TNRC6C: variants seen among roughly 807,000 people sequenced by gnomAD.
TNRC6C encodes the protein trinucleotide repeat-containing gene 6C protein.
A neutral mutation model predicts 153.7 loss-of-function variants in TNRC6C; 20 were observed. That is an observed-to-expected ratio of 0.13 (90% CI 0.09 to 0.19). TNRC6C has a LOEUF of 0.19. TNRC6C is among the 10% of genes least tolerant of loss of function. The pLI, the probability that TNRC6C is intolerant of heterozygous loss-of-function variation, is 1.00. For synonymous variants in TNRC6C, 811 were observed against 841.4 expected (o/e 0.96, Z 0.63); for missense variants, 1,987 against 2,172.0 (o/e 0.91, Z 1.69).
chr17:78,025,041 G>A (rs557077968), intron 1 of TNRC6C, among the ~76,000 whole-genome samples: 60 of 150,504 alleles, frequency 4.0e-4, no homozygotes, highest in Non-Finnish European at 5.8e-4. Context: ...TCCACCCACC[G>A]CAGCCTCCCG....
At chr17:78,016,783 G>A (rs2071737036) in intron 1 of TNRC6C, among the ~76,000 whole-genome samples, 1 of 152,094 alleles carries the variant, frequency 6.6e-6, no homozygotes, top group Non-Finnish European at 1.5e-5. Context: ...CGCTTACTGT[G>A]TACTAAGTGC....
chr17:78,102,065 G>A (rs951964820), intron 17 of TNRC6C, among the ~76,000 whole-genome samples: 3 of 152,176 alleles, frequency 2.0e-5, no homozygotes, highest in Non-Finnish European at 2.9e-5. Flanking sequence ...GCCTTTTAGC[G>A]GCAGCCTTCA....
intron 1 of TNRC6C, among the ~76,000 whole-genome samples, chr17:78,015,260 G>T (rs555632742): frequency 6.6e-6 from 1 of 152,228 alleles, no homozygotes; most frequent in African/African-American, 2.4e-5. Context: ...TCAGTCATAG[G>T]ACATATCATC....
chr17:78,084,632 T>C (rs1016008201), intron 11 of TNRC6C, among the ~76,000 whole-genome samples: 1 of 150,538 alleles, frequency 6.6e-6, no homozygotes, highest in Non-Finnish European at 1.5e-5. Context: ...TTTTTTTTTT[T>C]TTTTTGAGAC....
At chr17:78,009,402 A>G (rs1405771464) in intron 1 of TNRC6C, among the ~76,000 whole-genome samples, 2 of 152,056 alleles carry the variant, frequency 1.3e-5, no homozygotes, top group African/African-American at 4.8e-5. Flanking sequence ...AATTTTCATA[A>G]ATGTGAAAAT....
At chr17:78,055,872 T>A (rs2072643717) in intron 3 of TNRC6C, among the ~76,000 whole-genome samples, 1 of 152,212 alleles carries the variant, frequency 6.6e-6, no homozygotes, top group Non-Finnish European at 1.5e-5. Context: ...GGTACATATG[T>A]GGGAGGGAGA....
At chr17:77,974,513 G>T (rs993509759) in intron 1 of TNRC6C, among the ~76,000 whole-genome samples, 3 of 151,626 alleles carry the variant, frequency 2.0e-5, no homozygotes, top group African/African-American at 7.3e-5. Flanking sequence ...AAGAGGGAGA[G>T]ATGGAGTCTT....
chr17:78,004,961 C>G (rs1301729138), upstream of TNRC6C: 1 of 977,122 alleles, frequency 1.0e-6, no homozygotes, highest in African/African-American at 1.7e-5. Flanking sequence ...ATTTTCAATA[C>G]TAAAAGTTTG....
intron 5 of TNRC6C, among the ~76,000 whole-genome samples, chr17:78,069,815 G>A (rs2072956655): frequency 6.6e-6 from 1 of 152,096 alleles, no homozygotes; most frequent in Admixed American, 6.5e-5. Context: ...TATTTTGTGG[G>A]GTAGGAGGAA....
chr17:78,025,036 C>G (rs939850035), intron 1 of TNRC6C, among the ~76,000 whole-genome samples: 1 of 152,006 alleles, frequency 6.6e-6, no homozygotes, highest in Non-Finnish European at 1.5e-5. Flanking sequence ...GGTGATCCAC[C>G]CACCGCAGCC....
chr17:77,958,272 C>T (rs2070825436), upstream of TNRC6C, among the ~76,000 whole-genome samples: 1 of 151,990 alleles, frequency 6.6e-6, no homozygotes, highest in South Asian at 2.1e-4. Flanking sequence ...CCCGCCAGCA[C>T]CCTAACGCGG....
At chr17:78,093,073 A>G in exon 15 of TNRC6C, 1 of 1,613,624 alleles carries the variant, frequency 6.2e-7, no homozygotes. Flanking sequence ...GTCACGTGCC[A>G]AATCTGACAG....
chr17:77,981,844 T>C (rs2144108063), intron 1 of TNRC6C, among the ~76,000 whole-genome samples: 1 of 152,354 alleles, frequency 6.6e-6, no homozygotes, highest in Non-Finnish European at 1.5e-5. Context: ...AGAGACATTG[T>C]GGTCCACAAA....
exon 20 of TNRC6C, chr17:78,105,449 AT>A (rs1419721949): frequency 1.3e-5 from 2 of 152,226 alleles, no homozygotes; most frequent in African/African-American, 2.4e-5. Context: ...CCCAAAAAAT[AT>A]TTTTTAAAAG....
intron 2 of TNRC6C, among the ~76,000 whole-genome samples, chr17:78,048,616 A>G (rs2072456160): frequency 6.6e-6 from 1 of 152,232 alleles, no homozygotes. Context: ...AGGGGGAATA[A>G]TAGTACAGTG....
At chr17:78,062,824 C>T (rs60286626) in intron 3 of TNRC6C, among the ~76,000 whole-genome samples, 3,685 of 152,278 alleles carry the variant, frequency 0.024, 150 homozygotes, top group African/African-American at 0.083. Flanking sequence ...AAAAGTATAA[C>T]TTAGGACTTC....
intron 1 of TNRC6C, among the ~76,000 whole-genome samples, chr17:78,010,442 G>C (rs2143349454): frequency 6.6e-6 from 1 of 152,316 alleles, no homozygotes; most frequent in East Asian, 1.9e-4. Flanking sequence ...AGAATGAAAA[G>C]TAGTAAGAAT....
chr17:77,964,559 A>G (rs1442419038), intron 1 of TNRC6C, among the ~76,000 whole-genome samples: 1 of 152,204 alleles, frequency 6.6e-6, no homozygotes, highest in East Asian at 1.9e-4. Context: ...CCTGGCAAAG[A>G]TATTGTTTAC....
intron 6 of TNRC6C, among the ~76,000 whole-genome samples, chr17:78,071,638 T>C (rs1374053349): frequency 6.6e-6 from 1 of 152,236 alleles, no homozygotes; most frequent in Non-Finnish European, 1.5e-5. Flanking sequence ...TCTGCCCGCC[T>C]CGGCCTCCCA....
Sources: gnomAD v4.1 joint callset for allele counts (sites outside exome capture counted in the v4.1 genomes callset) on GRCh38, gnomAD v4.1.1 for gene constraint, MANE v1.5 for transcripts, NCBI Gene and HGNC (gene_info 2026-07-23, HGNC 2026-07-21) for gene names.